The following ANKRD36 variants were observed in gnomAD, a reference collection of about 807,000 sequenced individuals.
ANKRD36 encodes ankyrin repeat domain-containing protein 36A.
In ANKRD36, 179 loss-of-function variants were observed where a neutral mutation model predicts 278.1. That is an observed-to-expected ratio of 0.64 (90% CI 0.57 to 0.73). ANKRD36 has a LOEUF of 0.73. Among genes scored for constraint, ANKRD36 ranks in the 30% least tolerant of loss-of-function variants. ANKRD36 has a pLI of 0.00. For synonymous variants in ANKRD36, 320 were observed against 641.1 expected (o/e 0.50, Z 7.57); for missense variants, 1,159 against 1,956.7 (o/e 0.59, Z 7.69).
At chr2:97,225,971 C>G (rs2069412074) in intron 67 of ANKRD36, among the ~76,000 whole-genome samples, 1 of 151,790 alleles carries the variant, frequency 6.6e-6, no homozygotes, top group South Asian at 2.1e-4. Flanking sequence ...TTTTTTATGG[C>G]TGCATAGTAT....
intron 48 of ANKRD36, 62 bp downstream of exon 48, chr2:97,202,455 C>G: frequency 6.5e-7 from 1 of 1,536,476 alleles, no homozygotes. Context: ...TTCTCTTCCC[C>G]AAATAAATCA....
At chr2:97,204,329 T>G (rs2062224704) in intron 50 of ANKRD36, 66 bp downstream of exon 50, 2 of 1,480,806 alleles carry the variant, frequency 1.4e-6, no homozygotes, top group East Asian at 5.0e-5. Context: ...CTTCCCTGAA[T>G]AAATCAGCGG....
chr2:97,188,155 C>A (rs1437559801), intron 32 of ANKRD36, among the ~76,000 whole-genome samples: 1 of 151,628 alleles, frequency 6.6e-6, no homozygotes, highest in Non-Finnish European at 1.5e-5. Flanking sequence ...ACATTGGCTT[C>A]CTTGTTCAAG....
chr2:97,213,271 A>G, intron 58 of ANKRD36, 148 bp from the exon 59 acceptor site: 1 of 274,506 alleles, frequency 3.6e-6, no homozygotes, highest in South Asian at 4.7e-5. Flanking sequence ...TTTCTGTCAT[A>G]TTCCAGTCCC....
At chr2:97,151,437 A>G (rs1287319515) in intron 12 of ANKRD36, among the ~76,000 whole-genome samples, 6 of 152,306 alleles carry the variant, frequency 3.9e-5, no homozygotes, top group South Asian at 2.1e-4. Flanking sequence ...AGATAGTACT[A>G]CTAAAAACTA....
chr2:97,125,120 C>G (rs1268128806), intron 5 of ANKRD36, among the ~76,000 whole-genome samples: 1 of 151,146 alleles, frequency 6.6e-6, no homozygotes, highest in African/African-American at 2.4e-5. Context: ...CTAATCATTG[C>G]TTTGTTTTCA....
intron 38 of ANKRD36, 48 bp from the exon 39 acceptor site, chr2:97,194,678 T>A: frequency 1.9e-6 from 3 of 1,599,536 alleles, no homozygotes; most frequent in Non-Finnish European, 2.5e-6. Flanking sequence ...TATGGATAAC[T>A]TTATCATATT....
At chr2:97,195,067 G>C in intron 40 of ANKRD36, 150 bp downstream of exon 40, 2 of 1,233,000 alleles carry the variant, frequency 1.6e-6, no homozygotes, top group Non-Finnish European at 2.2e-6. Context: ...GGGTTATGCT[G>C]ATGCTACTGG....
At chr2:97,210,775 G>T (rs1224812498) in intron 56 of ANKRD36, among the ~76,000 whole-genome samples, 1 of 151,840 alleles carries the variant, frequency 6.6e-6, no homozygotes, top group African/African-American at 2.4e-5. Context: ...AGTGATTTCT[G>T]AATGAAAAAC....
intron 6 of ANKRD36, among the ~76,000 whole-genome samples, chr2:97,129,909 C>T (rs1370244566): frequency 6.6e-6 from 1 of 152,120 alleles, no homozygotes; most frequent in East Asian, 1.9e-4. Flanking sequence ...TAGCGTGATG[C>T]CTCCAGCTTT....
intron 52 of ANKRD36, among the ~76,000 whole-genome samples, chr2:97,207,361 C>G (rs1447703036): frequency 2.0e-5 from 3 of 151,386 alleles, no homozygotes; most frequent in African/African-American, 7.3e-5. Context: ...TGTGTGCCTT[C>G]TCAGTTATTG....
At chr2:97,217,536 G>A (rs893848624) in intron 64 of ANKRD36, among the ~76,000 whole-genome samples, 164 bp downstream of exon 64, 10 of 152,022 alleles carry the variant, frequency 6.6e-5, no homozygotes, top group Admixed American at 5.9e-4. Context: ...GATGCTGCTG[G>A]TCCTTGGCCA....
Position 97,204,185 on chromosome 2 carries a change from A to T in ANKRD36, c.2989-6A>T. The T allele has an allele frequency of 6.3e-7, 1 of 1,583,330 alleles. No homozygotes were observed. Among genetic ancestry groups the T allele is most frequent in the Non-Finnish European group, 8.6e-7 (1 of 1,167,220 alleles). ...AATTTATTATTTCATTTCAAATTCCATTCAGGCTACAAGTGATGAGAAAGA... is the reference window on the plus strand; with the variant it reads ...AATTTATTATTTCATTTCAAATTCCTTTCAGGCTACAAGTGATGAGAAAGA... On this transcript the variant is annotated splice_region_variant and splice_polypyrimidine_tract_variant and intron_variant, in intron 49 of 75. Transcript: ENST00000420699.
chr2:97,218,120 A>G (rs2066443867), intron 64 of ANKRD36, among the ~76,000 whole-genome samples: 1 of 151,076 alleles, frequency 6.6e-6, no homozygotes, highest in Admixed American at 6.6e-5. Context: ...ATGAATATTT[A>G]GTTTTTTTCC....
At chr2:97,142,738 T>C (rs919140694) in intron 7 of ANKRD36, 25 bp from the exon 8 acceptor site, 1 of 1,609,600 alleles carries the variant, frequency 6.2e-7, no homozygotes, top group African/African-American at 1.3e-5. Flanking sequence ...TATGTATTGA[T>C]TATTTTGTTT....
chr2:97,181,614 A>G lies in ANKRD36; in HGVS notation c.1752A>G (p.Gln584=), dbSNP rs748660717. Residue 584 remains glutamine, a synonymous_variant, in exon 25 of 76, where the codon CAA becomes CAG. Coordinates refer to ENST00000420699, the MANE Select transcript of ANKRD36 (RefSeq NM_001354587.1). ...GCTTTTCAGTGTCTTCTCAGAAACAACCAGCTGAGAAGGTAATTAAAGTCT... is the reference window on the plus strand; with the variant it reads ...GCTTTTCAGTGTCTTCTCAGAAACAGCCAGCTGAGAAGGTAATTAAAGTCT... ...PISGTVSSQK[Q]PAEKATSDEK... is the part of the protein sequence containing the mutation. 1.8e-5 allele frequency: 29 copies of G among 1,602,688 alleles called. No individual in the cohort carries two copies. The highest frequency in any genetic ancestry group is 1.7e-6 in the Non-Finnish European group (2 of 1,178,006).
Position 97,219,346 on chromosome 2 carries a change from T to G in ANKRD36, c.3877+100T>G. On this transcript the variant is annotated intron_variant, in intron 66 of 75. Transcript: ENST00000420699. ...TCTCAATTATTTCACTTTTTATATT[T>G]TATTTCAGGATTTCATCTAAATAAT... is the stretch of plus-strand genomic sequence containing the variant. The G allele has an allele frequency of 3.0e-6, 4 of 1,332,010 alleles. No homozygotes were observed. In the East Asian group the frequency reaches 8.0e-5, roughly 27 times the overall value. The allele number at this position is 1,332,010 out of a possible 1,614,324, so 82.5% of individuals were successfully genotyped here.
chr2:97,205,147 A>G (rs1193371647), intron 50 of ANKRD36, among the ~76,000 whole-genome samples: 2 of 151,708 alleles, frequency 1.3e-5, no homozygotes, highest in African/African-American at 2.4e-5. Flanking sequence ...ATCATTTTCA[A>G]TGAATATTGG....
intron 6 of ANKRD36, among the ~76,000 whole-genome samples, chr2:97,138,935 T>G (rs1160668783): frequency 2.0e-5 from 3 of 151,982 alleles, no homozygotes; most frequent in Non-Finnish European, 4.4e-5. Context: ...TTAACTCGAT[T>G]CATTAAAGAC....
Sources: gnomAD v4.1 joint callset for allele counts (sites outside exome capture counted in the v4.1 genomes callset) on GRCh38, gnomAD v4.1.1 for gene constraint, MANE v1.5 for transcripts, NCBI Gene and HGNC (gene_info 2026-07-23, HGNC 2026-07-21) for gene names.